Variants in WDPCP observed in about 807,000 individuals in gnomAD.
The protein encoded by WDPCP is WD repeat-containing and planar cell polarity effector protein fritz homolog.
WDPCP carries 71 observed loss-of-function variants against 93.1 expected under a neutral mutation model. The ratio of observed to expected loss-of-function variants is 0.76; its 90% CI spans 0.63 to 0.93. The LOEUF is 0.93. Ranked by LOEUF, WDPCP falls within the 40% of genes least tolerant of loss-of-function variation. The pLI is 0.00. For missense variants in WDPCP, 844 were observed against 887.4 expected (o/e 0.95, Z 0.62); for synonymous variants, 315 against 315.0 (o/e 1.00, Z 0.00).
At chr2:63,472,331 G>A (rs768693514) in intron 6 of WDPCP, among the ~76,000 whole-genome samples, 5 of 151,046 alleles carry the variant, frequency 3.3e-5, no homozygotes, top group East Asian at 1.9e-4. Flanking sequence ...CCTTCAGTTC[G>A]GGGAAATTTT....
At chr2:63,425,477 A>G (rs1696207075) in intron 9 of WDPCP, among the ~76,000 whole-genome samples, 1 of 152,228 alleles carries the variant, frequency 6.6e-6, no homozygotes, top group Non-Finnish European at 1.5e-5. Context: ...AACCCAGTGA[A>G]TCCAGTAAAA....
At chr2:63,433,985 A>G (rs1325901438) in intron 8 of WDPCP, 49 bp from the exon 9 acceptor site, 56 of 1,569,532 alleles carry the variant, frequency 3.6e-5, no homozygotes, top group Non-Finnish European at 4.5e-5. Context: ...TAAAAGATGC[A>G]AAATCCTCAA....
chr2:63,550,231 ACACACAC>A (rs1407404274), intron 1 of WDPCP, among the ~76,000 whole-genome samples: 1 of 11,368 alleles, frequency 8.8e-5, no homozygotes, highest in Non-Finnish European at 1.3e-4. Flanking sequence ...ACACACACAC[ACACACAC>A]ACCCTTCCTC....
intron 1 of WDPCP, among the ~76,000 whole-genome samples, chr2:63,495,631 A>G (rs1293316841): frequency 6.6e-6 from 1 of 152,190 alleles, no homozygotes; most frequent in Non-Finnish European, 1.5e-5. Flanking sequence ...ACTTGGACTA[A>G]TTACCTAACT....
intron 3 of WDPCP, among the ~76,000 whole-genome samples, chr2:63,628,295 T>A (rs531968726): frequency 4.5e-4 from 68 of 152,358 alleles, no homozygotes; most frequent in Non-Finnish European, 7.5e-4. Flanking sequence ...AAAAAAATGC[T>A]ATTTTCCACT....
chr2:63,494,508 G>A (rs1478947131), intron 1 of WDPCP, among the ~76,000 whole-genome samples: 1 of 136,868 alleles, frequency 7.3e-6, no homozygotes, highest in Non-Finnish European at 1.6e-5. Flanking sequence ...GCAGGTGGTG[G>A]AGGCAGGCTT....
At chr2:63,700,298 A>AAAAAAC (rs1476789646) in intron 2 of WDPCP, among the ~76,000 whole-genome samples, 1 of 104,128 alleles carries the variant, frequency 9.6e-6, no homozygotes, top group Non-Finnish European at 2.4e-5. Flanking sequence ...AAAAAAAAAA[A>AAAAAAC]AAAAACAAAA....
intron 14 of WDPCP, among the ~76,000 whole-genome samples, chr2:63,200,646 T>C (rs1000628067): frequency 1.3e-5 from 2 of 151,964 alleles, no homozygotes; most frequent in Non-Finnish European, 2.9e-5. Context: ...TCAGAGAGAA[T>C]AGAACCCAGA....
chr2:63,607,627 G>A (rs1054640727), intron 3 of WDPCP, among the ~76,000 whole-genome samples: 4 of 151,178 alleles, frequency 2.6e-5, no homozygotes, highest in East Asian at 3.9e-4. Context: ...TCAGGAGATC[G>A]AGACCATCCT....
chr2:63,226,318 C>T (rs544301724), intron 14 of WDPCP, among the ~76,000 whole-genome samples: 8 of 151,828 alleles, frequency 5.3e-5, no homozygotes, highest in Admixed American at 2.0e-4. Flanking sequence ...ATATATTTTC[C>T]TTTTTTTGAG....
chr2:63,679,374 C>T (rs1208198757), intron 2 of WDPCP, among the ~76,000 whole-genome samples: 2 of 152,134 alleles, frequency 1.3e-5, no homozygotes, highest in Non-Finnish European at 2.9e-5. Context: ...GAACATGACA[C>T]ACGGAGCTGT....
intron 9 of WDPCP, among the ~76,000 whole-genome samples, chr2:63,417,012 T>A (rs1398408355): frequency 6.6e-6 from 1 of 152,138 alleles, no homozygotes; most frequent in African/African-American, 2.4e-5. Flanking sequence ...GAACTGAAGT[T>A]TTCTCATCTC....
At chr2:63,588,616 G>T (rs1175034193), upstream of WDPCP, 2 of 501,194 alleles carry the variant, frequency 4.0e-6, no homozygotes, top group African/African-American at 3.8e-5. Context: ...CACGCGCGTG[G>T]GGGTGATGTC....
chr2:63,554,599 G>C (rs1395450371), intron 1 of WDPCP, among the ~76,000 whole-genome samples: 1 of 151,878 alleles, frequency 6.6e-6, no homozygotes, highest in Non-Finnish European at 1.5e-5. Flanking sequence ...GTTGCAGTGA[G>C]CCAAGATTGC....
chr2:63,194,486 G>C (rs1675274379), intron 14 of WDPCP, among the ~76,000 whole-genome samples: 1 of 151,930 alleles, frequency 6.6e-6, no homozygotes, highest in South Asian at 2.1e-4. Context: ...ATTGTTGACA[G>C]TTCTTTTCAT....
chr2:63,237,507 C>G (rs1223326188), intron 14 of WDPCP, among the ~76,000 whole-genome samples: 3 of 151,948 alleles, frequency 2.0e-5, no homozygotes, highest in Non-Finnish European at 2.9e-5. Context: ...ATTGTGCTAC[C>G]AAAGATACCC....
chr2:63,519,134 CATT>C (rs1702754616), intron 1 of WDPCP: 1 of 151,898 alleles, frequency 6.6e-6, no homozygotes, highest in East Asian at 1.9e-4. Flanking sequence ...ACTGCACCAT[CATT>C]GTCACCAGCA....
At chr2:63,571,124 T>A (rs1181398879) in intron 1 of WDPCP, among the ~76,000 whole-genome samples, 1 of 151,888 alleles carries the variant, frequency 6.6e-6, no homozygotes, top group Non-Finnish European at 1.5e-5. Flanking sequence ...TGTTAGCCAG[T>A]ATGGTCTCGA....
chr2:63,383,872 C>T (rs1298044104), intron 10 of WDPCP, among the ~76,000 whole-genome samples: 1 of 152,128 alleles, frequency 6.6e-6, no homozygotes, highest in Admixed American at 6.6e-5. Context: ...CACCCAACCA[C>T]AGTAAAATAC....
Sources: gnomAD v4.1 joint callset for allele counts (sites outside exome capture counted in the v4.1 genomes callset) on GRCh38, gnomAD v4.1.1 for gene constraint, MANE v1.5 for transcripts, NCBI Gene and HGNC (gene_info 2026-07-23, HGNC 2026-07-21) for gene names.